Variants in ORC2 observed in about 807,000 individuals in gnomAD.
ORC2 encodes origin recognition complex protein 2 homolog.
In ORC2, 37 loss-of-function variants were observed where a neutral mutation model predicts 77.7. The ratio of observed to expected loss-of-function variants is 0.48; its 90% confidence interval spans 0.37 to 0.63. The LOEUF (loss-of-function observed/expected upper bound fraction) is 0.63, where lower values mean the gene tolerates loss of function less well. Ranked by LOEUF, ORC2 falls within the 20% of genes least tolerant of loss-of-function variation. The pLI is 0.00. For missense variants in ORC2, 557 were observed against 661.9 expected (o/e 0.84, Z 1.74); for synonymous variants, 201 against 229.5 (o/e 0.88, Z 1.12).
chr2:200,959,898 CAA>C (rs527992510), intron 1 of ORC2, among the ~76,000 whole-genome samples: 4 of 131,456 alleles, frequency 3.0e-5, no homozygotes, highest in Admixed American at 7.6e-5. Flanking sequence ...CTGCCTCTAC[CAA>C]AAAAAAAAAA....
intron 15 of ORC2, among the ~76,000 whole-genome samples, 176 bp from the exon 16 acceptor site, chr2:200,914,168 T>G (rs558975977): frequency 1.4e-3 from 213 of 148,676 alleles, no homozygotes; most frequent in Admixed American, 2.7e-3. Flanking sequence ...CTAATTTCTT[T>G]TTTTTTTTTT....
intron 5 of ORC2, among the ~76,000 whole-genome samples, chr2:200,944,943 G>A (rs973351766): frequency 2.0e-5 from 3 of 152,152 alleles, no homozygotes; most frequent in Admixed American, 6.5e-5. Context: ...ATAAGTCTAT[G>A]GGGCCAAACC....
chr2:200,927,286 G>A (rs1387181980), intron 11 of ORC2, among the ~76,000 whole-genome samples: 2 of 151,898 alleles, frequency 1.3e-5, no homozygotes, highest in Non-Finnish European at 2.9e-5. Flanking sequence ...CTTTTGCCAT[G>A]TTGCCCAGGC....
chr2:200,945,866 G>A (rs984975006), intron 5 of ORC2, among the ~76,000 whole-genome samples: 3 of 151,826 alleles, frequency 2.0e-5, no homozygotes, highest in African/African-American at 4.8e-5. Flanking sequence ...CAATGAACAC[G>A]GGAGTGCAGA....
In ORC2 at chr2:200,926,885, A is replaced by G. The variant is rs967995154; in HGVS notation, c.933T>C (p.Ile311=). ...TCTTAGAACCCAAACCATAAAGCAC[A>G]ATGTTGAACCCAAGGCTGTTAGGAA... is the stretch of plus-strand genomic sequence containing the variant. The part of the protein sequence containing the change: ...WMLQLHLGFN[I]VLYGLGSKRD... Residue 311 remains isoleucine, a synonymous_variant, in exon 12 of 18, where the codon ATT becomes ATC. Transcript: ENST00000234296. 44 of 1,613,836 alleles carry G rather than the reference A, an allele frequency of 2.7e-5. No homozygotes were observed. The highest frequency in any genetic ancestry group is 3.6e-5 in the Non-Finnish European group (43 of 1,179,922).
At chr2:200,953,112 C>CAA (rs768496100) in intron 4 of ORC2, among the ~76,000 whole-genome samples, 33 of 48,464 alleles carry the variant, frequency 6.8e-4, no homozygotes, top group African/African-American at 1.3e-3. Flanking sequence ...GACCCTGTCT[C>CAA]AAAAAAAAAA....
chr2:200,952,499 G>A (rs1393260341), intron 4 of ORC2, among the ~76,000 whole-genome samples: 1 of 152,018 alleles, frequency 6.6e-6, no homozygotes, highest in Non-Finnish European at 1.5e-5. Context: ...CTGACCTCAT[G>A]ATCCACCCAC....
rs2041178855 is a variant in ORC2, at chr2:200,942,763, T to C, written c.343A>G (p.Lys115Glu). The change falls in exon 6 of 18, where the codon AAA (lysine) becomes GAA (glutamate). Residue 115 changes from lysine (K) to glutamate (E), a missense_variant. Lys to Glu is a moderately conservative substitution (Grantham distance 56, BLOSUM62 1). Transcript: ENST00000234296. ...KMAKLASELA[K>E]TPQKSVSFSL... ...AATGAAACACTTTTTTGTGGTGTTTTTGCTAGTTCTGAAGCTGTAAACAAA... is the reference window on the plus strand; with the variant it reads ...AATGAAACACTTTTTTGTGGTGTTTCTGCTAGTTCTGAAGCTGTAAACAAA... 2.5e-6 allele frequency: 4 copies of C among 1,606,896 alleles called. No individual in the cohort carries two copies. The East Asian group carries it at 6.7e-5, about 27-fold the overall frequency.
rs2041291886 is a variant in ORC2 at position 200,948,468 on chromosome 2, A to G, written c.328+1086T>C. ...GGTATAGGTGGTAACTCAAGTAAGA[A>G]AAATGTTAGAAGACCATTACTAATA... On this transcript the variant is annotated intron_variant, in intron 5 of 17. Transcript: ENST00000234296. Among the ~76,000 whole-genome samples, 4 of 152,368 alleles carry G rather than the reference A, an allele frequency of 2.6e-5. No individual in the cohort carries two copies. The South Asian group carries it at 8.3e-4, about 32-fold the overall frequency.
Position 200,957,496 on chromosome 2 carries a change from T to C in ORC2, c.143A>G (p.Lys48Arg). The stretch of plus-strand genomic sequence containing the variant: ...ATCATATTCTGGCTTCTTTATTATT[T>C]TTTTGGGGTTGACCAAAAGCTGCGC... The part of the protein sequence containing the change: ...ERAQLLVNPK[K>R]IIKKPEYDLE... The change falls in exon 4 of 18, where the codon AAA becomes AGA. Residue 48 changes from lysine (K) to arginine (R), a missense_variant. Transcript: ENST00000234296. 6.2e-7 allele frequency: 1 copy of C among 1,611,330 alleles called. No individual in the cohort carries two copies. The highest frequency in any genetic ancestry group is 8.5e-7 in the Non-Finnish European group (1 of 1,178,734).
In ORC2 at chr2:200,941,295, A is replaced by G. The variant is rs756000518; in HGVS notation, c.422-16T>C. The G allele has an allele frequency of 6.2e-7, 1 of 1,606,826 alleles. No individual in the cohort carries two copies. On this transcript the variant is annotated splice_polypyrimidine_tract_variant and intron_variant, in intron 6 of 17. Transcript: ENST00000234296. ...GCAGAATGGCCTAAAGAATGAAACA[A>G]AAAGCCATGACTTACTACGGACACT...
intron 16 of ORC2, 154 bp downstream of exon 16, chr2:200,913,777 G>T: frequency 7.1e-7 from 1 of 1,409,124 alleles, no homozygotes. Context: ...CTGTAGAGCT[G>T]CTTGAAAATT....
intron 4 of ORC2, among the ~76,000 whole-genome samples, chr2:200,953,454 C>A: frequency 1.3e-5 from 2 of 148,652 alleles, no homozygotes; most frequent in African/African-American, 2.5e-5. Context: ...TTGGTAAGAA[C>A]GTGGAGAAAT....
At chr2:200,960,275 G>C (rs943532427) in intron 1 of ORC2, among the ~76,000 whole-genome samples, 1 of 151,826 alleles carries the variant, frequency 6.6e-6, no homozygotes, top group African/African-American at 2.4e-5. Context: ...ACCACACCAG[G>C]TCAAAAAAAT....
chr2:200,920,161 C>G (rs1236372546), intron 15 of ORC2, 61 bp downstream of exon 15: 2 of 1,306,402 alleles, frequency 1.5e-6, no homozygotes, highest in Non-Finnish European at 2.1e-6. Flanking sequence ...CCATTAAAAC[C>G]TAGTAGTACA....
chr2:200,935,658 C>T (rs1341481681), intron 9 of ORC2, 41 bp downstream of exon 9: 2 of 1,381,412 alleles, frequency 1.4e-6, no homozygotes, highest in Non-Finnish European at 2.0e-6. Context: ...TGAAATATTA[C>T]ACAATTTTTC....
chr2:200,914,309 G>T (rs1279975154), intron 15 of ORC2, among the ~76,000 whole-genome samples: 2 of 151,890 alleles, frequency 1.3e-5, no homozygotes, highest in Admixed American at 1.3e-4. Context: ...GGGACTACAG[G>T]TGCCCACCAC....
At chr2:200,924,695 A>T (rs1189949252) in intron 13 of ORC2, among the ~76,000 whole-genome samples, 1 of 152,232 alleles carries the variant, frequency 6.6e-6, no homozygotes, top group Non-Finnish European at 1.5e-5. Context: ...AAGAATCAAG[A>T]GATCTTAGTA....
At chr2:200,930,945 A>G (rs981734409) in intron 11 of ORC2, among the ~76,000 whole-genome samples, 3 of 152,178 alleles carry the variant, frequency 2.0e-5, no homozygotes, top group African/African-American at 7.2e-5. Flanking sequence ...CATACATAAG[A>G]TTAAAGTAAA....
Sources: allele counts gnomAD v4.1 joint callset (sites outside exome capture counted in the v4.1 genomes callset), GRCh38; gene constraint gnomAD v4.1.1; transcripts MANE v1.5; gene names NCBI Gene and HGNC (gene_info 2026-07-23, HGNC 2026-07-21).